MACROD2: variants seen among roughly 807,000 people sequenced by gnomAD.
MACROD2 encodes the protein ADP-ribose glycohydrolase MACROD2.
A neutral mutation model predicts 70.4 loss-of-function variants in MACROD2; 36 were observed. The ratio of observed to expected loss-of-function variants is 0.51; its 90% confidence interval spans 0.39 to 0.68. The LOEUF (loss-of-function observed/expected upper bound fraction) is 0.68. MACROD2 is among the 30% of genes least tolerant of loss of function. MACROD2 has a pLI of 0.00. For synonymous variants in MACROD2, 172 were observed against 178.8 expected, an observed-to-expected ratio of 0.96 and a Z score of 0.30; for missense variants, 496 against 538.4, an observed-to-expected ratio of 0.92 and a Z score of 0.78.
chr20:15,407,917 A>G (rs2046025846), intron 6 of MACROD2, among the ~76,000 whole-genome samples: 1 of 152,158 alleles, frequency 6.6e-6, no homozygotes, highest in South Asian at 2.1e-4. Flanking sequence ...ACATGGAGTG[A>G]TTTCCTCAGG....
rs535506197 is a variant in MACROD2, at chr20:15,664,911, A to G, written c.645+165064A>G. ...ACAAGGTAAAGATACAGAATACATG[A>G]AAGTGGTGAATAATTGCTGGGCAGT... On this transcript the variant is annotated intron_variant, in intron 8 of 17. Transcript: ENST00000684519. Among the ~76,000 whole-genome samples the G allele has an allele frequency of 3.3e-5, 5 of 152,298 alleles. No homozygotes were observed. The East Asian group carries it at 9.7e-4, about 29-fold the overall frequency.
At chr20:15,958,162 A>G (rs575476050) in intron 12 of MACROD2, among the ~76,000 whole-genome samples, 1 of 152,332 alleles carries the variant, frequency 6.6e-6, no homozygotes, top group African/African-American at 2.4e-5. Context: ...TTTCTCTATT[A>G]TACACAGAAC....
intron 2 of MACROD2, among the ~76,000 whole-genome samples, chr20:14,016,014 G>A (rs2052985285): frequency 6.6e-6 from 1 of 152,166 alleles, no homozygotes; most frequent in South Asian, 2.1e-4. Context: ...AGATCACATG[G>A]TAATTCTACT....
At chr20:15,785,913 T>C (rs1191811844) in intron 8 of MACROD2, among the ~76,000 whole-genome samples, 1 of 152,170 alleles carries the variant, frequency 6.6e-6, no homozygotes, top group East Asian at 1.9e-4. Context: ...GGACATCATA[T>C]ATCACAGAAA....
intron 8 of MACROD2, among the ~76,000 whole-genome samples, chr20:15,543,800 G>A (rs1019558978): frequency 1.8e-4 from 28 of 152,162 alleles, no homozygotes; most frequent in African/African-American, 6.8e-4. Flanking sequence ...CTAAGGCTAG[G>A]TCTGGCCAGG....
chr20:15,598,504 T>C (rs1480480773), intron 8 of MACROD2, among the ~76,000 whole-genome samples: 1 of 152,222 alleles, frequency 6.6e-6, no homozygotes, highest in Non-Finnish European at 1.5e-5. Context: ...TCTGCACTTC[T>C]GATCTTGCCA....
rs138493758 is a variant in MACROD2, at chr20:15,051,185, G to A, written c.419-178755G>A. Reference sequence around the variant, plus strand: ...GTTAGGGAAAAATTAGTTTGTGACCGCAAATGGCTGTCTGCATTAGTTATA... The same window carrying A: ...GTTAGGGAAAAATTAGTTTGTGACCACAAATGGCTGTCTGCATTAGTTATA... On this transcript the variant is annotated intron_variant, in intron 5 of 17. Coordinates refer to ENST00000684519, the MANE Select transcript of MACROD2 (RefSeq NM_001351661.2). 4.1e-3 allele frequency among the ~76,000 whole-genome samples: 617 copies of A among 152,194 alleles called. 16 individuals are homozygous for A. Among genetic ancestry groups the A allele is most frequent in the African/African-American group, 1.6e-3 (65 of 41,530 alleles).
chr20:14,014,923 C>T (rs2052965656), intron 2 of MACROD2, among the ~76,000 whole-genome samples: 1 of 151,700 alleles, frequency 6.6e-6, no homozygotes, highest in Non-Finnish European at 1.5e-5. Context: ...ACCTCAGCCT[C>T]CTGAGTAGTT....
chr20:15,499,231 C>T (rs1369368909), intron 7 of MACROD2, among the ~76,000 whole-genome samples: 1 of 152,198 alleles, frequency 6.6e-6, no homozygotes, highest in East Asian at 1.9e-4. Context: ...TTATCTCATG[C>T]TGTCTCAATT....
At chr20:15,246,057 T>C (rs971939888) in intron 6 of MACROD2, among the ~76,000 whole-genome samples, 7 of 152,216 alleles carry the variant, frequency 4.6e-5, no homozygotes, top group Admixed American at 2.0e-4. Context: ...AACCATAGGC[T>C]AGAATCATGT....
At chr20:14,286,109 C>T (rs1449527917) in intron 3 of MACROD2, among the ~76,000 whole-genome samples, 1 of 151,844 alleles carries the variant, frequency 6.6e-6, no homozygotes, top group Non-Finnish European at 1.5e-5. Flanking sequence ...AGAACAGGAG[C>T]GTGAACCACA....
At chr20:14,415,255 A>T (rs1367378129) in intron 3 of MACROD2, among the ~76,000 whole-genome samples, 4 of 152,220 alleles carry the variant, frequency 2.6e-5, no homozygotes, top group African/African-American at 9.6e-5. Context: ...GGAATGTACT[A>T]TGAGTACAAC....
chr20:15,670,679 T>C (rs1344686670), intron 8 of MACROD2, among the ~76,000 whole-genome samples: 3 of 152,168 alleles, frequency 2.0e-5, no homozygotes, highest in Admixed American at 1.3e-4. Context: ...CCTTGGGAAA[T>C]AGAAATCCTA....
Position 14,587,946 on chromosome 20 carries a change from A to G in MACROD2, c.301+94438A>G, listed in dbSNP as rs1457744067. 1.2e-3 allele frequency among the ~76,000 whole-genome samples: 190 copies of G among 152,240 alleles called. 3 individuals carry two copies. Among genetic ancestry groups the G allele is most frequent in the Non-Finnish European group, 3.1e-4 (21 of 67,972 alleles). ...TTTAAGTGTGTTGCTTTGATTTGCT[A>G]AGATTTATGATTGTAGCTTCTAATT... is the stretch of plus-strand genomic sequence containing the variant. On this transcript the variant is annotated intron_variant, in intron 4 of 17. Coordinates refer to ENST00000684519, the MANE Select transcript of MACROD2 (RefSeq NM_001351661.2).
At chr20:14,861,981 A>ATATATATATATATT (rs1568838461) in intron 5 of MACROD2, among the ~76,000 whole-genome samples, 6 of 49,668 alleles carry the variant, frequency 1.2e-4, no homozygotes, top group African/African-American at 4.4e-4. Flanking sequence ...ATATAAATAT[A>ATATATATATATATT]TATATATATA....
intron 5 of MACROD2, among the ~76,000 whole-genome samples, chr20:14,951,894 C>G (rs1476230180): frequency 6.6e-6 from 1 of 150,826 alleles, no homozygotes; most frequent in African/African-American, 2.5e-5. Context: ...TGTCCTCCCT[C>G]CCCTTCAGGG....
At chr20:15,144,423 AT>A (rs1354219290) in intron 5 of MACROD2, among the ~76,000 whole-genome samples, 2 of 152,284 alleles carry the variant, frequency 1.3e-5, no homozygotes, top group East Asian at 1.9e-4. Flanking sequence ...TTTATTTTAT[AT>A]TTTTTACCCC....
chr20:14,535,637 A>G (rs1234850612), intron 4 of MACROD2, among the ~76,000 whole-genome samples: 1 of 151,976 alleles, frequency 6.6e-6, no homozygotes, highest in Non-Finnish European at 1.5e-5. Flanking sequence ...TTGAGTATAT[A>G]GTGAAGAAGA....
At chr20:15,775,518 T>C (rs1265482291) in intron 8 of MACROD2, among the ~76,000 whole-genome samples, 1 of 152,142 alleles carries the variant, frequency 6.6e-6, no homozygotes, top group Admixed American at 6.5e-5. Context: ...GACCTCCCAT[T>C]TCATTATGGC....
Sources: allele counts gnomAD v4.1 joint callset (sites outside exome capture counted in the v4.1 genomes callset), GRCh38; gene constraint gnomAD v4.1.1; transcripts MANE v1.5; gene names NCBI Gene and HGNC (gene_info 2026-07-23, HGNC 2026-07-21).